LMLN: variants seen among roughly 807,000 people sequenced by gnomAD.
LMLN encodes the protein leishmanolysin-like peptidase.
Under a neutral mutation model 92.3 loss-of-function variants are expected in LMLN, and 70 were observed. The observed-to-expected ratio is 0.76, with a 90% CI of 0.63 to 0.92. The LOEUF (loss-of-function observed/expected upper bound fraction) is 0.92. LMLN is among the 40% of genes least tolerant of loss of function. The probability of loss-of-function intolerance (pLI) is 0.00; values close to 1 mark genes in which losing one functional copy is unlikely to be tolerated. For missense variants in LMLN, 691 were observed against 814.6 expected, an observed-to-expected ratio of 0.85 and a Z score of 1.85; for synonymous variants, 308 against 296.2, an observed-to-expected ratio of 1.04 and a Z score of -0.41.
In LMLN at chr3:198,024,365, G is replaced by A. The variant is rs528777343; in HGVS notation, c.1526-293G>A. On this transcript the variant is annotated intron_variant, in intron 13 of 15. Transcript: ENST00000330198. The stretch of plus-strand genomic sequence containing the variant: ...CGAGTAGCTGGGACTACAGGCGCCC[G>A]CCACCGCGCCCGGCTAATTTTTTGT... Among the ~76,000 whole-genome samples the A allele has an allele frequency of 1.1e-4, 16 of 151,858 alleles. No homozygotes were observed. In the East Asian group the frequency reaches 1.2e-3, roughly 11 times the overall value.
chr3:198,019,283 G>C lies in LMLN; in HGVS notation c.1263G>C (p.Thr421=), dbSNP rs755057307. Residue 421 remains threonine, a synonymous_variant, in exon 12 of 16, where the codon ACG becomes ACC. Transcript: ENST00000330198. The surrounding 1 kb of genome is among the most constrained non-coding windows in gnomAD (Gnocchi z 5.5). Reference sequence around the variant, plus strand: ...AGATGCTGAGCCCTTACTGTGACACGCTCAGAAGTAACCCACTGCAGCTAA... The same window carrying C: ...AGATGCTGAGCCCTTACTGTGACACCCTCAGAAGTAACCCACTGCAGCTAA... 4 of 1,613,696 alleles carry C rather than the reference G, an allele frequency of 2.5e-6. No individual in the cohort carries two copies. Among genetic ancestry groups the C allele is most frequent in the South Asian group, 2.2e-5 (2 of 91,008 alleles).
At chr3:197,977,862 AATC>A (rs1383287371) in intron 5 of LMLN, among the ~76,000 whole-genome samples, 3 of 152,050 alleles carry the variant, frequency 2.0e-5, no homozygotes, top group Non-Finnish European at 2.9e-5. Context: ...TACATATAAA[AATC>A]ATCAAACAAT....
chr3:198,023,201 A>T (rs1002394779), intron 13 of LMLN, among the ~76,000 whole-genome samples: 15 of 151,582 alleles, frequency 9.9e-5, no homozygotes, highest in Non-Finnish European at 1.8e-4. Flanking sequence ...TATTATTATT[A>T]TTTTTAGAGA....
At chr3:197,979,450 A>G (rs1026126411) in intron 5 of LMLN, among the ~76,000 whole-genome samples, 14 of 152,066 alleles carry the variant, frequency 9.2e-5, no homozygotes, top group Non-Finnish European at 2.9e-5. Flanking sequence ...GGAGGCCAAG[A>G]TGGGGGTATT....
intron 14 of LMLN, among the ~76,000 whole-genome samples, chr3:198,035,405 C>T (rs1287933112): frequency 7.6e-6 from 1 of 130,890 alleles, no homozygotes; most frequent in East Asian, 2.1e-4. Flanking sequence ...GCTCTGTTGG[C>T]AGGCTGGAGC....
chr3:197,993,845 C>T (rs1721946718), intron 9 of LMLN, among the ~76,000 whole-genome samples: 1 of 152,092 alleles, frequency 6.6e-6, no homozygotes. Context: ...TCCAGCTTTG[C>T]AGTATTTCAA....
chr3:197,986,317 C>T (rs1220787002), intron 8 of LMLN, among the ~76,000 whole-genome samples: 2 of 152,096 alleles, frequency 1.3e-5, no homozygotes, highest in Non-Finnish European at 2.9e-5. Context: ...AAAAATTAGC[C>T]AGGCATGGTT....
At position 198,042,319 on chromosome 3, in the gene LMLN, A is replaced by T. The variant is rs906010568; in HGVS notation, c.*3652A>T. On this transcript the variant is annotated 3_prime_UTR_variant, in exon 16 of 16. Transcript: ENST00000330198. This position sits in a 1 kb window ranked among gnomAD's most constrained non-coding sequence, Gnocchi z 4.2. ...AAGGCAAGCAGATCACGAGATCAGG[A>T]GTTTGAGGTTACAGTGAGCTGATCG... 6.6e-6 allele frequency: 1 copy of T among 151,934 alleles called. No homozygotes were observed. The highest frequency in any genetic ancestry group is 1.5e-5 in the Non-Finnish European group (1 of 67,992). 9.4% of individuals were successfully genotyped at this position (151,934 alleles called of 1,614,324 possible). A position where few individuals can be genotyped will look rare whatever the true frequency, so the allele number is the denominator to read the frequency against.
At chr3:197,978,747 T>C (rs886272787) in intron 5 of LMLN, among the ~76,000 whole-genome samples, 1 of 152,050 alleles carries the variant, frequency 6.6e-6, no homozygotes, top group Non-Finnish European at 1.5e-5. Flanking sequence ...TCCCAGCACT[T>C]TAGGGGGCTG....
rs75299824 is a variant in LMLN, at chr3:197,996,768, A to G, written c.1155+486A>G. On this transcript the variant is annotated intron_variant, in intron 10 of 15. Transcript: ENST00000330198. ...CCTGTATCTACTCTAGTATTTTATT[A>G]AAATTTTTATGTTTTTTAGAGACAG... 4.5e-3 allele frequency among the ~76,000 whole-genome samples: 679 copies of G among 152,234 alleles called. 2 individuals carry two copies. The highest frequency in any genetic ancestry group is 0.016 in the African/African-American group (657 of 41,548).
intron 15 of LMLN, chr3:198,038,235 A>G (rs1276501341): frequency 3.7e-6 from 1 of 268,572 alleles, no homozygotes. Flanking sequence ...TAGAAGGTAC[A>G]AAGAAAGAAT....
At chr3:198,007,557 T>C (rs1020814898) in intron 11 of LMLN, among the ~76,000 whole-genome samples, 5 of 152,260 alleles carry the variant, frequency 3.3e-5, no homozygotes, top group African/African-American at 1.2e-4. Context: ...CATGTGTCCA[T>C]GCCTTCACCA....
At chr3:198,002,374 A>G (rs547169309) in intron 11 of LMLN, among the ~76,000 whole-genome samples, 4 of 151,898 alleles carry the variant, frequency 2.6e-5, no homozygotes, top group South Asian at 4.2e-4. Context: ...CAAATGGTCA[A>G]CCGCCTCAGC....
exon 16 of LMLN, chr3:198,039,042 CT>C (rs1723323299): frequency 5.0e-6 from 1 of 199,928 alleles, no homozygotes; most frequent in African/African-American, 2.5e-5. Flanking sequence ...AAACCAACCA[CT>C]TTCATCTGCA....
At chr3:198,040,519 G>A (rs1165794774) in exon 16 of LMLN, 2 of 151,416 alleles carry the variant, frequency 1.3e-5, no homozygotes, top group African/African-American at 4.9e-5. Flanking sequence ...CACAACCCTC[G>A]GACAGACTCC....
intron 1 of LMLN, among the ~76,000 whole-genome samples, chr3:197,971,831 T>G (rs1341405069): frequency 6.6e-6 from 1 of 152,176 alleles, no homozygotes; most frequent in East Asian, 1.9e-4. Flanking sequence ...TTGAAATTTT[T>G]TAGCTGTTAT....
intron 10 of LMLN, 81 bp downstream of exon 10, chr3:197,996,363 A>T: frequency 2.2e-6 from 2 of 900,860 alleles, no homozygotes; most frequent in Non-Finnish European, 1.7e-6. Flanking sequence ...CAAGCAGGTT[A>T]TAAACTGAAA....
At chr3:197,964,465 A>G (rs1275482659) in intron 1 of LMLN, among the ~76,000 whole-genome samples, 9 of 150,990 alleles carry the variant, frequency 6.0e-5, no homozygotes, top group Admixed American at 3.3e-4. Context: ...CAGTGGCGCA[A>G]TCTCAGCAGA....
intron 14 of LMLN, among the ~76,000 whole-genome samples, chr3:198,034,827 G>A (rs1723168220): frequency 6.6e-6 from 1 of 152,166 alleles, no homozygotes; most frequent in Non-Finnish European, 1.5e-5. Context: ...AACTTGTGCT[G>A]TGTGGCGTTT....
Sources: allele counts gnomAD v4.1 joint callset (sites outside exome capture counted in the v4.1 genomes callset), GRCh38; gene constraint gnomAD v4.1.1; non-coding constraint Gnocchi (gnomAD v3.1); transcripts MANE v1.5; gene names NCBI Gene and HGNC (gene_info 2026-07-23, HGNC 2026-07-21).